CSMD1: variants seen among roughly 807,000 people sequenced by gnomAD.
CSMD1 encodes the protein CUB and sushi domain-containing protein 1.
Under a neutral mutation model 417.5 loss-of-function variants are expected in CSMD1, and 213 were observed. The ratio of observed to expected loss-of-function variants is 0.51; its 90% confidence interval spans 0.46 to 0.57. The LOEUF (loss-of-function observed/expected upper bound fraction) is 0.57. CSMD1 is among the 20% of genes least tolerant of loss of function. CSMD1 has a pLI of 0.00. For synonymous variants in CSMD1, 2,862 were observed against 1,736.8 expected, an observed-to-expected ratio of 1.65 and a Z score of -16.11; for missense variants, 6,923 against 4,529.7, an observed-to-expected ratio of 1.53 and a Z score of -15.17.
chr8:3,204,243 T>G (rs964097468), intron 31 of CSMD1, among the ~76,000 whole-genome samples: 3 of 152,118 alleles, frequency 2.0e-5, no homozygotes, highest in Admixed American at 6.6e-5. Context: ...TAGCTGAAAA[T>G]TTTTAATTGT....
At chr8:3,622,666 T>G (rs891343338) in intron 7 of CSMD1, among the ~76,000 whole-genome samples, 1 of 152,244 alleles carries the variant, frequency 6.6e-6, no homozygotes, top group African/African-American at 2.4e-5. Flanking sequence ...GATTAGAGAT[T>G]AAATGTAAAA....
intron 4 of CSMD1, among the ~76,000 whole-genome samples, chr8:4,030,372 C>T (rs1248423034): frequency 6.6e-6 from 1 of 152,184 alleles, no homozygotes; most frequent in East Asian, 1.9e-4. Context: ...TTCCCAAACC[C>T]AAATTATTGA....
rs373923214 is a variant in CSMD1 at position 3,308,426 on chromosome 8, C to A, written c.3709G>T (p.Asp1237Tyr). ...YRIRDEGHFT[D>Y]TVVLYSCNPG... Reference sequence around the variant, plus strand: ...TTGCAACTGTACAGAACTACAGTGTCGGTAAAGTGGCCTTCATCACGGATC... The same window carrying A: ...TTGCAACTGTACAGAACTACAGTGTAGGTAAAGTGGCCTTCATCACGGATC... The change falls in exon 24 of 70, where the codon GAC becomes TAC. Residue 1237 changes from aspartate to tyrosine, a missense_variant. Transcript: ENST00000635120. 6.2e-7 allele frequency: 1 copy of A among 1,613,800 alleles called. No individual in the cohort carries two copies. Among genetic ancestry groups the A allele is most frequent in the Admixed American group, 1.7e-5 (1 of 60,016 alleles).
intron 5 of CSMD1, among the ~76,000 whole-genome samples, chr8:3,805,038 C>G (rs762222611): frequency 5.3e-5 from 8 of 152,082 alleles, no homozygotes; most frequent in African/African-American, 1.2e-4. Flanking sequence ...CATATTCACA[C>G]TGGAATATAA....
At chr8:4,305,489 C>T (rs905775314) in intron 3 of CSMD1, among the ~76,000 whole-genome samples, 3 of 152,226 alleles carry the variant, frequency 2.0e-5, no homozygotes, top group Non-Finnish European at 2.9e-5. Flanking sequence ...TGTGCTTTTA[C>T]AGGCACTGCT....
intron 3 of CSMD1, among the ~76,000 whole-genome samples, chr8:4,084,340 AAAAAC>A (rs962735019): frequency 4.6e-5 from 7 of 152,080 alleles, no homozygotes; most frequent in African/African-American, 7.2e-5. Flanking sequence ...AAAGAAAAAA[AAAAAC>A]AAACTACAAC....
intron 1 of CSMD1, among the ~76,000 whole-genome samples, chr8:4,931,259 CTG>C (rs1225527348): frequency 3.3e-5 from 5 of 152,100 alleles, no homozygotes; most frequent in Non-Finnish European, 7.4e-5. Context: ...TTTAACATTT[CTG>C]TGTTTGACAT....
intron 3 of CSMD1, among the ~76,000 whole-genome samples, chr8:4,157,038 C>T (rs933922028): frequency 6.6e-6 from 1 of 152,106 alleles, no homozygotes; most frequent in Non-Finnish European, 1.5e-5. Context: ...GCATGTTATG[C>T]ACACAAGGAG....
At chr8:4,319,903 C>T (rs1415127977) in intron 3 of CSMD1, among the ~76,000 whole-genome samples, 1 of 152,102 alleles carries the variant, frequency 6.6e-6, no homozygotes, top group Non-Finnish European at 1.5e-5. Context: ...ACAGAAAGAT[C>T]CACCGGAAAG....
At chr8:4,436,361 G>A (rs533936759) in intron 2 of CSMD1, among the ~76,000 whole-genome samples, 14 of 152,008 alleles carry the variant, frequency 9.2e-5, no homozygotes, top group Admixed American at 6.5e-4. Context: ...GAGATTAATT[G>A]CCTGATTTAT....
At chr8:3,436,282 C>T (rs1363843959) in intron 12 of CSMD1, among the ~76,000 whole-genome samples, 3 of 152,184 alleles carry the variant, frequency 2.0e-5, no homozygotes, top group East Asian at 1.9e-4. Context: ...TAGTAAGATA[C>T]ATCCCATATC....
At chr8:4,909,954 G>C (rs574608560) in intron 1 of CSMD1, among the ~76,000 whole-genome samples, 1 of 152,288 alleles carries the variant, frequency 6.6e-6, no homozygotes, top group East Asian at 1.9e-4. Context: ...CTGAAGTCTT[G>C]TGGATGATTT....
chr8:3,418,830 T>C (rs1585136208), intron 12 of CSMD1, among the ~76,000 whole-genome samples: 2 of 152,176 alleles, frequency 1.3e-5, no homozygotes, highest in African/African-American at 4.8e-5. Flanking sequence ...TTTTAAAGGA[T>C]AGAATTTTTC....
At chr8:3,600,590 T>G (rs1421494936) in intron 8 of CSMD1, among the ~76,000 whole-genome samples, 1 of 152,132 alleles carries the variant, frequency 6.6e-6, no homozygotes, top group Non-Finnish European at 1.5e-5. Flanking sequence ...GTATATTCTC[T>G]ACGATGGCAA....
intron 7 of CSMD1, among the ~76,000 whole-genome samples, chr8:3,631,247 T>A (rs191191165): frequency 3.3e-5 from 5 of 152,276 alleles, no homozygotes; most frequent in African/African-American, 1.2e-4. Flanking sequence ...ACAAACTGTA[T>A]CCTTCGTCGA....
chr8:4,170,159 G>C (rs1323307704), intron 3 of CSMD1, among the ~76,000 whole-genome samples: 2 of 151,894 alleles, frequency 1.3e-5, no homozygotes, highest in Middle Eastern at 3.4e-3. Context: ...AAACCTCCTT[G>C]TTGATAAGAG....
intron 10 of CSMD1, among the ~76,000 whole-genome samples, chr8:3,526,920 G>A (rs182360563): frequency 2.0e-5 from 3 of 152,086 alleles, no homozygotes; most frequent in Non-Finnish European, 4.4e-5. Flanking sequence ...TCATCTAATG[G>A]TGTCCAGGGG....
intron 3 of CSMD1, among the ~76,000 whole-genome samples, chr8:4,100,674 T>A (rs187732785): frequency 2.0e-5 from 3 of 152,124 alleles, no homozygotes; most frequent in South Asian, 4.2e-4. Flanking sequence ...GGTGCTGAAA[T>A]TGCCATTCAT....
chr8:3,454,005 G>A (rs966192009), intron 12 of CSMD1, among the ~76,000 whole-genome samples: 14 of 152,096 alleles, frequency 9.2e-5, no homozygotes, highest in Non-Finnish European at 2.9e-5. Flanking sequence ...CCTGTATTGG[G>A]TGCATATATA....
Sources: gnomAD v4.1 joint callset for allele counts (sites outside exome capture counted in the v4.1 genomes callset) on GRCh38, gnomAD v4.1.1 for gene constraint, MANE v1.5 for transcripts, NCBI Gene and HGNC (gene_info 2026-07-23, HGNC 2026-07-21) for gene names.